The following TSPEAR variants were observed in gnomAD, a reference collection of about 807,000 sequenced individuals.
TSPEAR encodes the protein thrombospondin-type laminin G domain and EAR repeat-containing protein.
In TSPEAR, 69 loss-of-function variants were observed where a neutral mutation model predicts 71.6. The observed-to-expected ratio is 0.96, with a 90% confidence interval of 0.79 to 1.18. TSPEAR has a LOEUF of 1.18. TSPEAR is among the 50% of genes most tolerant of loss of function. The probability of loss-of-function intolerance (pLI) is 0.00; values close to 1 mark genes in which losing one functional copy is unlikely to be tolerated. For synonymous variants in TSPEAR, 402 were observed against 387.2 expected (o/e 1.04, Z -0.45); for missense variants, 971 against 894.9 (o/e 1.09, Z -1.09).
At chr21:44,681,576 T>G in intron 1 of TSPEAR, 5 of 469,724 alleles carry the variant, frequency 1.1e-5, no homozygotes, top group Non-Finnish European at 1.1e-5. Context: ...AAACGCAGAG[T>G]TGCATGGGGA....
rs1421264695 is a variant in TSPEAR, at chr21:44,642,971, G to A, written c.82+68462C>T. 1.3e-5 allele frequency among the ~76,000 whole-genome samples: 2 copies of A among 152,196 alleles called. No homozygotes were observed. The highest frequency in any genetic ancestry group is 6.5e-5 in the Admixed American group (1 of 15,274). ...AGATACCTGCACTGCCATGCTAACTGCAGCACTATTCACAACAGCAAAGAT... is the reference window on the plus strand; with the variant it reads ...AGATACCTGCACTGCCATGCTAACTACAGCACTATTCACAACAGCAAAGAT... On this transcript the variant is annotated intron_variant, in intron 1 of 11. Coordinates refer to ENST00000323084, the MANE Select transcript of TSPEAR (RefSeq NM_144991.3). The surrounding 1 kb of genome is among the most constrained non-coding windows in gnomAD (Gnocchi z 4.1).
At chr21:44,665,736 ATCAG>A (rs1465518703) in intron 1 of TSPEAR, among the ~76,000 whole-genome samples, 14 of 152,214 alleles carry the variant, frequency 9.2e-5, no homozygotes, top group Admixed American at 6.5e-4. Context: ...GTAATTGATC[ATCAG>A]TCAATCAATA....
intron 2 of TSPEAR, among the ~76,000 whole-genome samples, chr21:44,556,258 C>T (rs1435919457): frequency 6.6e-6 from 1 of 151,198 alleles, no homozygotes; most frequent in African/African-American, 2.4e-5. Flanking sequence ...CACCTGTAGT[C>T]CTAGCTATTC....
chr21:44,627,986 G>T, intron 1 of TSPEAR: 1 of 1,611,096 alleles, frequency 6.2e-7, no homozygotes, highest in East Asian at 2.2e-5. Context: ...TCCCTTCTCT[G>T]CCGCCCTGTG....
At chr21:44,627,884 T>A (rs781830110) in intron 1 of TSPEAR, 13 of 1,611,538 alleles carry the variant, frequency 8.1e-6, no homozygotes, top group Non-Finnish European at 1.1e-5. Flanking sequence ...TGCCGCCCTG[T>A]GTGCAGGCCC....
chr21:44,585,024 T>C (rs1979247012), intron 1 of TSPEAR, among the ~76,000 whole-genome samples: 1 of 152,236 alleles, frequency 6.6e-6, no homozygotes, highest in African/African-American at 2.4e-5. Flanking sequence ...TTATTTTTAT[T>C]AGACTGTATT....
chr21:44,709,524 T>C (rs2329896), intron 1 of TSPEAR, among the ~76,000 whole-genome samples: 26,091 of 152,178 alleles, frequency 0.17, 2,461 homozygotes, highest in Middle Eastern at 0.23. Flanking sequence ...CAGGTTCCCC[T>C]CCTGACAACT....
rs782166498 is a variant in TSPEAR, at chr21:44,697,664, G to A, written c.82+13769C>T. 4.6e-5 allele frequency: 74 copies of A among 1,612,738 alleles called. No individual in the cohort carries two copies. The highest frequency in any genetic ancestry group is 7.7e-5 in the South Asian group (7 of 91,038). On this transcript the variant is annotated intron_variant, in intron 1 of 11. Coordinates refer to ENST00000323084, the MANE Select transcript of TSPEAR (RefSeq NM_144991.3). ...GTGTCAACAGTCCTGCTGTGTGCCC[G>A]TCTGCTGCAAGCCCATCTGCTGTGT...
intron 1 of TSPEAR, among the ~76,000 whole-genome samples, chr21:44,688,622 AG>A (rs1986969402): frequency 6.6e-6 from 1 of 152,170 alleles, no homozygotes; most frequent in East Asian, 1.9e-4. Flanking sequence ...CAGGAGGCTG[AG>A]GCATGAACCC....
intron 1 of TSPEAR, chr21:44,678,194 T>A: frequency 2.3e-6 from 1 of 438,604 alleles, no homozygotes; most frequent in Middle Eastern, 6.4e-4. Context: ...TCACTCCTAT[T>A]GATATGGTTT....
intron 1 of TSPEAR, among the ~76,000 whole-genome samples, chr21:44,664,111 G>T (rs868958182): frequency 6.6e-6 from 1 of 152,060 alleles, no homozygotes; most frequent in Admixed American, 6.5e-5. Context: ...AAACAGTGAA[G>T]TAAAAAGCAT....
At chr21:44,661,860 T>G (rs1985515274) in intron 1 of TSPEAR, among the ~76,000 whole-genome samples, 1 of 152,068 alleles carries the variant, frequency 6.6e-6, no homozygotes, top group Non-Finnish European at 1.5e-5. Flanking sequence ...GGGATGACGC[T>G]TAACCATTCA....
chr21:44,574,564 C>G, intron 1 of TSPEAR: 4 of 1,605,768 alleles, frequency 2.5e-6, no homozygotes, highest in Non-Finnish European at 3.4e-6. Flanking sequence ...TGCCAGCAGG[C>G]TTGCTGTGTG....
intron 1 of TSPEAR, among the ~76,000 whole-genome samples, chr21:44,641,453 C>A (rs987242465): frequency 2.0e-5 from 3 of 152,110 alleles, no homozygotes; most frequent in African/African-American, 7.2e-5. Flanking sequence ...TTGACCCAAA[C>A]CCAATGCAGA....
intron 1 of TSPEAR, among the ~76,000 whole-genome samples, chr21:44,583,336 G>A (rs1339086194): frequency 1.3e-5 from 2 of 152,208 alleles, no homozygotes; most frequent in Non-Finnish European, 2.9e-5. Context: ...GTAGTCTTTT[G>A]TTTTATTTGA....
intron 1 of TSPEAR, among the ~76,000 whole-genome samples, chr21:44,644,590 A>C (rs587649963): frequency 6.6e-6 from 1 of 152,366 alleles, no homozygotes; most frequent in South Asian, 2.1e-4. Context: ...ATGCACTGGA[A>C]TAAAATAGTC....
At chr21:44,592,306 A>C in intron 1 of TSPEAR, 4 of 1,517,308 alleles carry the variant, frequency 2.6e-6, no homozygotes, top group Non-Finnish European at 3.5e-6. Context: ...CACACGGCTC[A>C]CTGGGGTGCA....
intron 1 of TSPEAR, among the ~76,000 whole-genome samples, chr21:44,648,554 A>C (rs1188422594): frequency 1.3e-5 from 2 of 152,336 alleles, no homozygotes; most frequent in Admixed American, 6.5e-5. Context: ...TAGCACAAAC[A>C]GTTAAAAAAA....
chr21:44,699,963 G>A (rs1987574716), intron 1 of TSPEAR, among the ~76,000 whole-genome samples: 1 of 152,092 alleles, frequency 6.6e-6, no homozygotes. Flanking sequence ...AGATATCTTT[G>A]GGGTCTGCCC....
Sources: allele counts gnomAD v4.1 joint callset (sites outside exome capture counted in the v4.1 genomes callset), GRCh38; gene constraint gnomAD v4.1.1; non-coding constraint Gnocchi (gnomAD v3.1); transcripts MANE v1.5; gene names NCBI Gene and HGNC (gene_info 2026-07-23, HGNC 2026-07-21).